The following HERC1 variants were observed in gnomAD, a reference collection of about 807,000 sequenced individuals.
HERC1 encodes the protein probable E3 ubiquitin-protein ligase HERC1.
Under a neutral mutation model 554.3 loss-of-function variants are expected in HERC1, and 160 were observed. The observed-to-expected ratio is 0.29, with a 90% CI of 0.25 to 0.33. The LOEUF (loss-of-function observed/expected upper bound fraction) is 0.33. HERC1 is among the 10% of genes least tolerant of loss of function. HERC1 has a pLI of 1.00. For synonymous variants in HERC1, 2,175 were observed against 2,131.7 expected, an observed-to-expected ratio of 1.02 and a Z score of -0.56; for missense variants, 4,919 against 5,918.5, an observed-to-expected ratio of 0.83 and a Z score of 5.54.
chr15:63,743,263 C>CTTTTTTTTTTTTTTTTTTTTTTTTTTT (rs71131177), intron 12 of HERC1, among the ~76,000 whole-genome samples: 3 of 109,180 alleles, frequency 2.7e-5, no homozygotes, highest in Non-Finnish European at 5.3e-5. Context: ...TTTTCTTTTT[C>CTTTTTTTTTTTTTTTTTTTTTTTTTTT]TTTTTTTTTT....
At chr15:63,637,684 A>T in intron 63 of HERC1, 41 bp from the exon 64 acceptor site, 1 of 1,485,270 alleles carries the variant, frequency 6.7e-7, no homozygotes, top group East Asian at 2.5e-5. Context: ...ATTCTTTATT[A>T]TATTGCTTTA....
chr15:63,803,798 A>G (rs953822210), intron 1 of HERC1, among the ~76,000 whole-genome samples: 6 of 152,246 alleles, frequency 3.9e-5, no homozygotes, highest in Non-Finnish European at 7.3e-5. Flanking sequence ...CAATGGACTG[A>G]GAATAGCAAA....
Position 63,725,352 on chromosome 15 carries a change from C to T in HERC1, c.3508G>A (p.Ala1170Thr). 6.2e-7 allele frequency: 1 copy of T among 1,613,974 alleles called. No individual in the cohort carries two copies. The change falls in exon 18 of 78, where the codon GCA (alanine) becomes ACA (threonine). Residue 1170 changes from alanine (A) to threonine (T), a missense_variant. By Grantham distance (58) the Ala-to-Thr change is moderately conservative. Transcript: ENST00000443617. ...SPVSPEEQDT[A>T]YWMKTPLFSD... ...AACAGTGGCGTTTTCATCCAATATG[C>T]AGTGTCCTGTTCCTCTGGAGACACA...
chr15:63,744,116 G>GAT (rs2074942223), intron 12 of HERC1, among the ~76,000 whole-genome samples: 1 of 62,384 alleles, frequency 1.6e-5, no homozygotes, highest in Non-Finnish European at 4.0e-5. Flanking sequence ...CAGACTGTGT[G>GAT]TGTGTGTGTG....
intron 74 of HERC1, among the ~76,000 whole-genome samples, chr15:63,622,394 C>A (rs1351354101): frequency 7.3e-6 from 1 of 136,064 alleles, no homozygotes; most frequent in Non-Finnish European, 1.5e-5. Context: ...GTGGCCTGAT[C>A]TCGGCTCACT....
chr15:63,665,049 A>G (rs992234329), intron 42 of HERC1, among the ~76,000 whole-genome samples: 6 of 152,230 alleles, frequency 3.9e-5, no homozygotes, highest in African/African-American at 1.2e-4. Flanking sequence ...AATGAAAAAT[A>G]AAGATTTAAA....
Position 63,622,872 on chromosome 15 carries a change from A to G in HERC1, c.13631T>C (p.Val4544Ala). The G allele has an allele frequency of 1.2e-6, 2 of 1,603,326 alleles. No homozygotes were observed. The highest frequency in any genetic ancestry group is 1.1e-5 in the South Asian group (1 of 87,898). The change falls in exon 74 of 78, where the codon GTT becomes GCT. Residue 4544 changes from valine to alanine, a missense_variant. Physicochemically the swap from Val to Ala is moderately conservative, Grantham distance 64 (BLOSUM62 0). Transcript: ENST00000443617. ...ATTGGGAGAGGGTATAAGAAGGTCA[A>G]CAATACCAGTTTCAAGTTCCTGCAG... ...EMCQELETGI[V>A]DLLIPSPNAT... is the part of the protein sequence containing the mutation.
chr15:63,753,155 G>C, intron 7 of HERC1, 70 bp from the exon 8 acceptor site: 1 of 1,165,722 alleles, frequency 8.6e-7, no homozygotes, highest in East Asian at 2.6e-5. Flanking sequence ...CACTACTAAA[G>C]TTGATAAGGA....
At position 63,727,520 on chromosome 15, in the gene HERC1, A is replaced by G. The variant is rs1431991050; in HGVS notation, c.3346+127T>C. ...TACTTAAATTTGAAAAGCTTTTAAG[A>G]TTTCAGTGATGAAATTCCTTTGATA... On this transcript the variant is annotated intron_variant, in intron 17 of 77. Coordinates refer to ENST00000443617, the MANE Select transcript of HERC1 (RefSeq NM_003922.4). The surrounding 1 kb of genome is among the most constrained non-coding windows in gnomAD (Gnocchi z 4.3). 1.6e-6 allele frequency: 1 copy of G among 624,338 alleles called. No homozygotes were observed. Among genetic ancestry groups the G allele is most frequent in the African/African-American group, 1.8e-5 (1 of 54,786 alleles). 38.7% of individuals were successfully genotyped at this position (624,338 alleles called of 1,614,324 possible).
At chr15:63,686,090 C>G (rs767655391) in intron 34 of HERC1, among the ~76,000 whole-genome samples, 4 of 152,118 alleles carry the variant, frequency 2.6e-5, no homozygotes, top group Non-Finnish European at 5.9e-5. Flanking sequence ...AAAATGTGTT[C>G]TGTGTGACTC....
intron 14 of HERC1, among the ~76,000 whole-genome samples, chr15:63,731,374 T>C (rs1049114787): frequency 2.6e-5 from 4 of 152,332 alleles, no homozygotes; most frequent in Non-Finnish European, 2.9e-5. Flanking sequence ...GAGACAATAA[T>C]TTATTATTTC....
intron 57 of HERC1, 125 bp downstream of exon 57, chr15:63,644,867 T>C (rs1239324936): frequency 3.0e-6 from 2 of 666,994 alleles, no homozygotes; most frequent in Non-Finnish European, 5.3e-6. Flanking sequence ...CAATTACTTA[T>C]ATTTCCCAAT....
chr15:63,664,579 A>G lies in HERC1; in HGVS notation c.8571T>C (p.Asp2857=). Reference sequence around the variant, plus strand: ...TTCCAGAAGCTGCATTCTCTGTATGATCCAAATTATCAGGGCTACAAGTGC... The same window carrying G: ...TTCCAGAAGCTGCATTCTCTGTATGGTCCAAATTATCAGGGCTACAAGTGC... The part of the protein sequence containing the change: ...EGFSESPDNL[D]HTENAASGSG... The change falls in exon 43 of 78, where the codon GAT becomes GAC. Residue 2857 remains aspartate, a synonymous_variant. Transcript: ENST00000443617. 6.2e-7 allele frequency: 1 copy of G among 1,613,384 alleles called. No individual in the cohort carries two copies. The highest frequency in any genetic ancestry group is 1.3e-5 in the African/African-American group (1 of 75,016).
At chr15:63,609,659 A>C (rs2067504415) in intron 77 of HERC1, among the ~76,000 whole-genome samples, 1 of 152,090 alleles carries the variant, frequency 6.6e-6, no homozygotes, top group Admixed American at 6.5e-5. Context: ...GGATGCCCCC[A>C]CAGAGCAGGT....
intron 1 of HERC1, among the ~76,000 whole-genome samples, chr15:63,815,247 T>C (rs1319015102): frequency 6.6e-6 from 1 of 152,170 alleles, no homozygotes; most frequent in Non-Finnish European, 1.5e-5. Flanking sequence ...TTAATCTAAT[T>C]TATATTTCAC....
Position 63,609,237 on chromosome 15 carries a change from G to A in HERC1, c.14430C>T (p.Thr4810=), listed in dbSNP as rs372178578. Residue 4810 remains threonine, a synonymous_variant, in exon 78 of 78, where the codon ACC becomes ACT. Coordinates refer to ENST00000443617, the MANE Select transcript of HERC1 (RefSeq NM_003922.4). ...GGGGCAGCCTCAGCTGGAAGAAGCA[G>A]GTCTGTGAGGTAGGCAGACTGTCGT... ...RPYDSLPTSQ[T]CFFQLRLPPY... 3.7e-6 allele frequency: 6 copies of A among 1,613,080 alleles called. No homozygotes were observed. The African/African-American group carries it at 8.0e-5, about 22-fold the overall frequency.
At chr15:63,750,987 T>C (rs1055921873) in intron 8 of HERC1, among the ~76,000 whole-genome samples, 3 of 152,184 alleles carry the variant, frequency 2.0e-5, no homozygotes, top group African/African-American at 7.2e-5. Context: ...CCAGATAACT[T>C]ACTTAAGTAT....
intron 19 of HERC1, among the ~76,000 whole-genome samples, chr15:63,720,938 A>C (rs1027542983): frequency 9.2e-5 from 14 of 152,328 alleles, no homozygotes; most frequent in African/African-American, 3.1e-4. Context: ...CAAACAACAA[A>C]GAATGTTTCC....
Position 63,609,048 on chromosome 15 carries a change from G to A in HERC1, c.*33C>T, listed in dbSNP as rs1308629873. 1.9e-6 allele frequency: 3 copies of A among 1,585,854 alleles called. No individual in the cohort carries two copies. The highest frequency in any genetic ancestry group is 2.6e-6 in the Non-Finnish European group (3 of 1,160,016). On this transcript the variant is annotated 3_prime_UTR_variant, in exon 78 of 78. Transcript: ENST00000443617. ...TCAAATCAGAAGTGAGCATTATTGAGGGAGAGAAGGGAGGGTGAGAGCACC... is the reference window on the plus strand; with the variant it reads ...TCAAATCAGAAGTGAGCATTATTGAAGGAGAGAAGGGAGGGTGAGAGCACC...
Sources: allele counts gnomAD v4.1 joint callset (sites outside exome capture counted in the v4.1 genomes callset), GRCh38; gene constraint gnomAD v4.1.1; non-coding constraint Gnocchi (gnomAD v3.1); transcripts MANE v1.5; gene names NCBI Gene and HGNC (gene_info 2026-07-23, HGNC 2026-07-21).